SERPINB10: variants seen among roughly 807,000 people sequenced by gnomAD.
The protein encoded by SERPINB10 is serpin B10.
In SERPINB10, 35 loss-of-function variants were observed where a neutral mutation model predicts 39.1. That is an observed-to-expected ratio of 0.90 (90% confidence interval 0.68 to 1.19). The LOEUF (loss-of-function observed/expected upper bound fraction) is 1.19, where lower values mean the gene tolerates loss of function less well. Ranked by LOEUF, SERPINB10 falls within the 50% of genes most tolerant of loss-of-function variation. The pLI is 0.00. For synonymous variants in SERPINB10, 190 were observed against 158.1 expected (o/e 1.20, Z -1.52); for missense variants, 546 against 460.5 (o/e 1.19, Z -1.70).
chr18:63,917,154 T>G (rs2050109478), intron 2 of SERPINB10, among the ~76,000 whole-genome samples: 1 of 151,982 alleles, frequency 6.6e-6, no homozygotes, highest in Non-Finnish European at 1.5e-5. Context: ...AAAACAACCA[T>G]GAGTAAAAAG....
chr18:63,923,511 A>G (rs1252007888), intron 5 of SERPINB10, among the ~76,000 whole-genome samples: 1 of 151,898 alleles, frequency 6.6e-6, no homozygotes, highest in African/African-American at 2.4e-5. Context: ...AATAAAAACA[A>G]CAAACCTGCA....
chr18:63,913,861 G>A (rs1009356829), intron 1 of SERPINB10, among the ~76,000 whole-genome samples: 2 of 152,088 alleles, frequency 1.3e-5, no homozygotes, highest in Non-Finnish European at 2.9e-5. Context: ...GGGTGTTAAA[G>A]TCCCCCACTA....
chr18:63,916,866 C>T (rs763476836), intron 2 of SERPINB10, among the ~76,000 whole-genome samples: 5 of 151,920 alleles, frequency 3.3e-5, no homozygotes, highest in Non-Finnish European at 5.9e-5. Context: ...TATTGTCAGC[C>T]GGGTCCAGGA....
chr18:63,929,857 A>G (rs956772000), intron 5 of SERPINB10, among the ~76,000 whole-genome samples, 188 bp from the exon 6 acceptor site: 2 of 152,018 alleles, frequency 1.3e-5, no homozygotes, highest in African/African-American at 4.8e-5. Context: ...TTATTTCTTC[A>G]GGGTTTCTCT....
At chr18:63,927,846 G>A (rs963414702) in intron 5 of SERPINB10, among the ~76,000 whole-genome samples, 2 of 152,088 alleles carry the variant, frequency 1.3e-5, no homozygotes, top group African/African-American at 4.8e-5. Context: ...TGGGTTTACG[G>A]ATGGGAATTT....
At chr18:63,926,493 T>A (rs1056021697) in intron 5 of SERPINB10, among the ~76,000 whole-genome samples, 20 of 152,012 alleles carry the variant, frequency 1.3e-4, no homozygotes, top group African/African-American at 4.3e-4. Context: ...ACACGTGTTT[T>A]TGGGGGACAC....
At chr18:63,929,712 C>CAAAAAAAAAAAAAAAAAAAAAGAA (rs2050206364) in intron 5 of SERPINB10, among the ~76,000 whole-genome samples, 2 of 97,346 alleles carry the variant, frequency 2.1e-5, no homozygotes, top group Non-Finnish European at 4.9e-5. Flanking sequence ...AGCTAAAGTG[C>CAAAAAAAAAAAAAAAAAAAAAGAA]AAAAAAAAAA....
At chr18:63,932,938 A>G (rs1380142245) in intron 6 of SERPINB10, 110 bp from the exon 7 acceptor site, 1 of 960,590 alleles carries the variant, frequency 1.0e-6, no homozygotes, top group African/African-American at 1.6e-5. Context: ...TTAGCAGAGA[A>G]TCAGCAGTTT....
At chr18:63,918,571 C>T (rs2050122167) in intron 4 of SERPINB10, among the ~76,000 whole-genome samples, 1 of 152,000 alleles carries the variant, frequency 6.6e-6, no homozygotes, top group Non-Finnish European at 1.5e-5. Flanking sequence ...CAACCCAGGT[C>T]AATAATTTCC....
chr18:63,920,625 A>T (rs2050140019), intron 5 of SERPINB10, among the ~76,000 whole-genome samples: 1 of 152,002 alleles, frequency 6.6e-6, no homozygotes, highest in Non-Finnish European at 1.5e-5. Flanking sequence ...ATGCCCTGGA[A>T]GTTTCACATG....
intron 5 of SERPINB10, among the ~76,000 whole-genome samples, chr18:63,924,069 T>C (rs1182542144): frequency 6.6e-6 from 1 of 152,032 alleles, no homozygotes; most frequent in East Asian, 1.9e-4. Flanking sequence ...TTAATTCTGC[T>C]TCCTGTTAGT....
rs145556590 is a variant in SERPINB10 at position 63,918,048 on chromosome 18, C to G, written c.318C>G (p.Tyr106Ter). The change falls in exon 4 of 8, where the codon TAC becomes TAG. Residue 106 changes from tyrosine to a stop codon, truncating the protein, a stop_gained. Coordinates refer to ENST00000238508, the MANE Select transcript of SERPINB10 (RefSeq NM_005024.3). LOFTEE classifies it high-confidence loss of function. Reference sequence around the variant, plus strand: ...AAATCCTCAAGCCCAACGATGACTACTTACTTAAAACAGCCAATGCGATAT... The same window carrying G: ...AAATCCTCAAGCCCAACGATGACTAGTTACTTAAAACAGCCAATGCGATAT... ...ISEILKPNDDYLLKTANAIYG... is the reference protein window; with the variant it reads ...ISEILKPNDD The G allele has an allele frequency of 6.2e-7, 1 of 1,612,402 alleles. No individual in the cohort carries two copies. The highest frequency in any genetic ancestry group is 1.1e-5 in the South Asian group (1 of 91,018).
intron 7 of SERPINB10, among the ~76,000 whole-genome samples, chr18:63,933,431 A>T (rs2050238668): frequency 6.6e-6 from 1 of 152,170 alleles, no homozygotes; most frequent in Non-Finnish European, 1.5e-5. Context: ...TTCCTCAGAA[A>T]GGTTAGGCAA....
In SERPINB10 at chr18:63,934,889, A is replaced by C; in HGVS notation, c.841A>C (p.Met281Leu). Reference sequence around the variant, plus strand: ...GCTGAATGAGTGGACCAGTGCAGACATGATGGAGTTGTATGAAGTGCAGCT... The same window carrying C: ...GCTGAATGAGTGGACCAGTGCAGACCTGATGGAGTTGTATGAAGTGCAGCT... The part of the protein sequence containing the change: ...EKLNEWTSAD[M>L]MELYEVQLHL... The change falls in exon 8 of 8, where the codon ATG becomes CTG. Residue 281 changes from methionine to leucine, a missense_variant. Coordinates refer to ENST00000238508, the MANE Select transcript of SERPINB10 (RefSeq NM_005024.3). The C allele has an allele frequency of 6.2e-7, 1 of 1,614,144 alleles. No homozygotes were observed. The highest frequency in any genetic ancestry group is 8.5e-7 in the Non-Finnish European group (1 of 1,179,990).
chr18:63,930,249 T>C (rs1599092156), intron 6 of SERPINB10, 62 bp downstream of exon 6: 2 of 1,535,516 alleles, frequency 1.3e-6, no homozygotes, highest in Non-Finnish European at 1.8e-6. Flanking sequence ...GATTCTCTTA[T>C]AAATTCACTC....
chr18:63,920,492 C>T (rs1405123682), intron 5 of SERPINB10, among the ~76,000 whole-genome samples: 1 of 152,052 alleles, frequency 6.6e-6, no homozygotes, highest in Non-Finnish European at 1.5e-5. Context: ...GTGTTCAGCA[C>T]TGCCATCCTC....
At chr18:63,908,917 G>T (rs2050044659) in intron 1 of SERPINB10, among the ~76,000 whole-genome samples, 1 of 151,984 alleles carries the variant, frequency 6.6e-6, no homozygotes, top group African/African-American at 2.4e-5. Context: ...TAAACACAAT[G>T]AGATACAATG....
chr18:63,919,604 C>T (rs12608336), intron 4 of SERPINB10, among the ~76,000 whole-genome samples, 184 bp from the exon 5 acceptor site: 4 of 152,014 alleles, frequency 2.6e-5, no homozygotes, highest in African/African-American at 9.6e-5. Context: ...CAGTGCCCTG[C>T]TAAGTTTGAA....
chr18:63,908,723 G>A (rs772015922), intron 1 of SERPINB10, among the ~76,000 whole-genome samples: 1 of 152,018 alleles, frequency 6.6e-6, no homozygotes, highest in Non-Finnish European at 1.5e-5. Flanking sequence ...GATTGGGGAA[G>A]CTGTCATTCT....
Sources: gnomAD v4.1 joint callset for allele counts (sites outside exome capture counted in the v4.1 genomes callset) on GRCh38, gnomAD v4.1.1 for gene constraint, MANE v1.5 for transcripts, NCBI Gene and HGNC (gene_info 2026-07-23, HGNC 2026-07-21) for gene names.